Variants in NCKAP5 observed in about 807,000 individuals in gnomAD.
NCKAP5 encodes NCK associated protein 5.
Under a neutral mutation model 167.0 loss-of-function variants are expected in NCKAP5, and 92 were observed. The ratio of observed to expected loss-of-function variants is 0.55; its 90% confidence interval spans 0.47 to 0.66. The LOEUF is 0.66. Among genes scored for constraint, NCKAP5 ranks in the 30% least tolerant of loss-of-function variants. NCKAP5 has a pLI of 0.00. For synonymous variants in NCKAP5, 891 were observed against 877.4 expected (o/e 1.02, Z -0.27); for missense variants, 2,378 against 2,315.0 (o/e 1.03, Z -0.56).
intron 11 of NCKAP5, among the ~76,000 whole-genome samples, chr2:132,821,831 T>C (rs925229725): frequency 6.6e-6 from 1 of 152,002 alleles, no homozygotes; most frequent in Admixed American, 6.5e-5. Flanking sequence ...GGCCTGAGAA[T>C]CACTCCCCCA....
chr2:133,550,814 G>A (rs1438908722), intron 2 of NCKAP5, among the ~76,000 whole-genome samples: 1 of 137,892 alleles, frequency 7.3e-6, no homozygotes, highest in Admixed American at 7.4e-5. Context: ...AATTGTCCCT[G>A]TTTGCAGACG....
intron 2 of NCKAP5, among the ~76,000 whole-genome samples, chr2:133,553,615 G>A (rs16826387): frequency 0.081 from 12,299 of 152,140 alleles, 641 homozygotes; most frequent in East Asian, 0.28. Flanking sequence ...GTGGGCTAGA[G>A]CCAAATCACA....
At chr2:132,711,031 G>T (rs1010679329) in intron 19 of NCKAP5, among the ~76,000 whole-genome samples, 2 of 152,200 alleles carry the variant, frequency 1.3e-5, no homozygotes, top group Admixed American at 6.5e-5. Context: ...ATAAATGTTT[G>T]TTAGGTACCT....
At chr2:133,226,597 G>T in intron 4 of NCKAP5, among the ~76,000 whole-genome samples, 1 of 79,646 alleles carries the variant, frequency 1.3e-5, no homozygotes, top group East Asian at 3.1e-4. Flanking sequence ...GGGAAAATTT[G>T]AAGATAAACA....
intron 3 of NCKAP5, among the ~76,000 whole-genome samples, chr2:133,502,510 T>A (rs966867908): frequency 6.6e-6 from 1 of 152,252 alleles, no homozygotes; most frequent in Non-Finnish European, 1.5e-5. Context: ...GATATCTCAC[T>A]GCTTGTCCTG....
chr2:133,160,238 A>C (rs2083732147), intron 5 of NCKAP5, among the ~76,000 whole-genome samples: 1 of 152,060 alleles, frequency 6.6e-6, no homozygotes, highest in South Asian at 2.1e-4. Flanking sequence ...GATCTGCTCC[A>C]GGCCTCCCTC....
At chr2:133,128,685 C>T (rs1305977412) in intron 6 of NCKAP5, among the ~76,000 whole-genome samples, 2 of 152,006 alleles carry the variant, frequency 1.3e-5, no homozygotes, top group Non-Finnish European at 2.9e-5. Flanking sequence ...GCAAACTCCA[C>T]CTCCTGGGTT....
intron 6 of NCKAP5, among the ~76,000 whole-genome samples, chr2:133,001,957 T>C (rs890561015): frequency 6.6e-6 from 1 of 152,178 alleles, no homozygotes; most frequent in African/African-American, 2.4e-5. Context: ...TCGTATTAGG[T>C]ATTAAAAGTA....
chr2:133,500,557 G>A (rs1360759920), intron 3 of NCKAP5, among the ~76,000 whole-genome samples: 1 of 152,200 alleles, frequency 6.6e-6, no homozygotes, highest in African/African-American at 2.4e-5. Context: ...AGAGGCAACA[G>A]TGGCCTCAGC....
At chr2:132,878,399 C>T (rs979614653) in intron 9 of NCKAP5, among the ~76,000 whole-genome samples, 55 of 152,228 alleles carry the variant, frequency 3.6e-4, no homozygotes, top group African/African-American at 1.3e-3. Flanking sequence ...ACATCATCCC[C>T]ACCCACTCTA....
chr2:133,493,029 A>G (rs1456435124), intron 3 of NCKAP5, among the ~76,000 whole-genome samples: 3 of 152,230 alleles, frequency 2.0e-5, no homozygotes, highest in Non-Finnish European at 4.4e-5. Context: ...AAACCTGACA[A>G]ATTACTCTGT....
chr2:133,146,251 T>G (rs1298797070), intron 5 of NCKAP5, among the ~76,000 whole-genome samples: 1 of 135,536 alleles, frequency 7.4e-6, no homozygotes, highest in East Asian at 2.2e-4. Context: ...TAGATAAAAT[T>G]AAAAGCAACA....
chr2:132,821,424 C>T (rs1002894635), intron 11 of NCKAP5, among the ~76,000 whole-genome samples: 4 of 152,130 alleles, frequency 2.6e-5, no homozygotes, highest in Non-Finnish European at 4.4e-5. Flanking sequence ...CCTGATTATA[C>T]CTCATGGGGG....
chr2:133,166,233 A>T (rs2083996620), intron 5 of NCKAP5, among the ~76,000 whole-genome samples: 1 of 152,186 alleles, frequency 6.6e-6, no homozygotes, highest in South Asian at 2.1e-4. Flanking sequence ...AGAAGATAAA[A>T]CAATAATCAG....
intron 3 of NCKAP5, among the ~76,000 whole-genome samples, chr2:133,516,231 G>C (rs1683980341): frequency 6.6e-6 from 1 of 152,160 alleles, no homozygotes; most frequent in South Asian, 2.1e-4. Context: ...TTCCCCAGAA[G>C]TTGAAAAGGG....
chr2:132,716,591 G>A (rs1409046127), intron 19 of NCKAP5, among the ~76,000 whole-genome samples: 1 of 151,952 alleles, frequency 6.6e-6, no homozygotes, highest in African/African-American at 2.4e-5. Flanking sequence ...GGGTAACACT[G>A]GGGGTTCGGT....
intron 6 of NCKAP5, among the ~76,000 whole-genome samples, chr2:133,096,637 GCTTC>G (rs1438854045): frequency 2.6e-5 from 4 of 152,108 alleles, no homozygotes; most frequent in African/African-American, 7.2e-5. Context: ...GATAGATATG[GCTTC>G]CTATTTGTGG....
intron 3 of NCKAP5, among the ~76,000 whole-genome samples, chr2:133,387,679 C>G (rs1687086793): frequency 6.6e-6 from 1 of 152,162 alleles, no homozygotes; most frequent in Non-Finnish European, 1.5e-5. Context: ...TTCAGGTATA[C>G]CAGTCAGACG....
intron 11 of NCKAP5, among the ~76,000 whole-genome samples, chr2:132,805,476 T>C (rs1221467665): frequency 1.3e-5 from 2 of 152,222 alleles, no homozygotes; most frequent in East Asian, 3.9e-4. Flanking sequence ...ATCTGTTTGC[T>C]AGACACAAAC....
Sources: allele counts gnomAD v4.1 joint callset (sites outside exome capture counted in the v4.1 genomes callset), GRCh38; gene constraint gnomAD v4.1.1; transcripts MANE v1.5; gene names NCBI Gene and HGNC (gene_info 2026-07-23, HGNC 2026-07-21).